Variants in SYTL2 observed in about 807,000 individuals in gnomAD.
SYTL2 encodes synaptotagmin-like protein 2.
SYTL2 carries 165 observed loss-of-function variants against 198.7 expected under a neutral mutation model. The ratio of observed to expected loss-of-function variants is 0.83; its 90% CI spans 0.73 to 0.94. SYTL2 has a LOEUF of 0.94. Ranked by LOEUF, SYTL2 falls within the 40% of genes least tolerant of loss-of-function variation. SYTL2 has a pLI of 0.00. For missense variants in SYTL2, 2,835 were observed against 2,582.8 expected, an observed-to-expected ratio of 1.10 and a Z score of -2.12; for synonymous variants, 966 against 917.7, an observed-to-expected ratio of 1.05 and a Z score of -0.95.
intron 1 of SYTL2, among the ~76,000 whole-genome samples, chr11:85,769,604 T>C (rs1224204892): frequency 1.3e-5 from 2 of 152,226 alleles, no homozygotes; most frequent in East Asian, 3.8e-4. Context: ...AGAAAATTAA[T>C]ACACAGTCTG....
intron 1 of SYTL2, 114 bp downstream of exon 1, chr11:85,810,840 T>A (rs903427878): frequency 2.0e-5 from 3 of 152,238 alleles, no homozygotes; most frequent in Non-Finnish European, 4.4e-5. Context: ...AACAACATTC[T>A]ACACCACCTC....
At position 85,726,523 on chromosome 11, in the gene SYTL2, C is replaced by T. The variant is rs2089198889; in HGVS notation, c.2835G>A (p.Leu945=). ...SNVGSERHAP[L]EKDRPLVRES... ...CACGAACTAGAGGTCTGTCTTTCTCCAATGGAGCATGTCGTTCACTCCCGA... is the reference window on the plus strand; with the variant it reads ...CACGAACTAGAGGTCTGTCTTTCTCTAATGGAGCATGTCGTTCACTCCCGA... Residue 945 remains leucine (L), a synonymous_variant, in exon 8 of 20, where the codon TTG becomes TTA. Transcript: ENST00000359152. 6.2e-7 allele frequency: 1 copy of T among 1,603,694 alleles called. No individual in the cohort carries two copies. Among genetic ancestry groups the T allele is most frequent in the Non-Finnish European group, 8.5e-7 (1 of 1,179,804 alleles).
chr11:85,700,187 T>C (rs1240237438), intron 17 of SYTL2, among the ~76,000 whole-genome samples: 1 of 152,178 alleles, frequency 6.6e-6, no homozygotes, highest in Non-Finnish European at 1.5e-5. Flanking sequence ...AAGGAAATTG[T>C]TGGTTAATAG....
intron 3 of SYTL2, among the ~76,000 whole-genome samples, chr11:85,746,193 T>C (rs921541980): frequency 2.0e-5 from 3 of 152,126 alleles, no homozygotes; most frequent in African/African-American, 7.2e-5. Context: ...TTCAAATATC[T>C]TGTATGTGCT....
chr11:85,852,380 G>T, the SYTL2 span, among the ~76,000 whole-genome samples: 3 of 151,488 alleles, frequency 2.0e-5, no homozygotes, highest in Non-Finnish European at 2.9e-5. Flanking sequence ...CTCTCCCCAC[G>T]GTCTCCCTCT....
At chr11:85,853,891 G>A in the SYTL2 span, 7 of 152,140 alleles carry the variant, frequency 4.6e-5, no homozygotes, top group Admixed American at 6.5e-5. Context: ...GGCTCGCTCT[G>A]TCACCCGTGC....
In SYTL2 at chr11:85,724,828, T is replaced by C; in HGVS notation, c.4530A>G (p.Glu1510=). Residue 1510 remains glutamate (E), a synonymous_variant, in exon 8 of 20, where the codon GAA becomes GAG. Transcript: ENST00000359152. ...GLEKLLKEET[E]TFPSKYESDT... ...CACTTTCATATTTTGAGGGGAAGGT[T>C]TCAGTTTCTTCCTTCAGTAGTTTTT... 6.2e-7 allele frequency: 1 copy of C among 1,613,604 alleles called. No homozygotes were observed. The highest frequency in any genetic ancestry group is 8.5e-7 in the Non-Finnish European group (1 of 1,179,906).
chr11:85,793,333 A>G (rs1202675829), intron 1 of SYTL2, among the ~76,000 whole-genome samples: 1 of 152,166 alleles, frequency 6.6e-6, no homozygotes, highest in Non-Finnish European at 1.5e-5. Flanking sequence ...AACTGGTGTG[A>G]GATGGTATCT....
chr11:85,790,717 G>A (rs887388017), intron 1 of SYTL2, among the ~76,000 whole-genome samples: 1 of 152,130 alleles, frequency 6.6e-6, no homozygotes, highest in Non-Finnish European at 1.5e-5. Flanking sequence ...CAGGATAACT[G>A]GGATGTGCCC....
chr11:85,793,551 G>A (rs1296217894), intron 1 of SYTL2, among the ~76,000 whole-genome samples: 3 of 152,150 alleles, frequency 2.0e-5, no homozygotes, highest in African/African-American at 7.2e-5. Flanking sequence ...TTCTCAAAGA[G>A]GCAGACAGGG....
chr11:85,766,101 G>A (rs1026492243), intron 1 of SYTL2, among the ~76,000 whole-genome samples: 10 of 152,120 alleles, frequency 6.6e-5, no homozygotes, highest in African/African-American at 1.2e-4. Flanking sequence ...GGGCAAGAGC[G>A]CTGGACCCTG....
Position 85,725,522 on chromosome 11 carries a change from T to C in SYTL2, c.3836A>G (p.Asn1279Ser). Residue 1279 changes from asparagine to serine, a missense_variant, in exon 8 of 20, where the codon AAT becomes AGT. By Grantham distance (46) the Asn-to-Ser change is conservative (BLOSUM62 1). Transcript: ENST00000359152. ...TTCAGCTTTCTTGAGGAGAGCTGTA[T>C]TTCCAAAAGTTTCATCTCTCACTGG... The part of the protein sequence containing the change: ...PFPVRDETFG[N>S]TALLKKAESG... 1.2e-6 allele frequency: 2 copies of C among 1,614,080 alleles called. No homozygotes were observed. The highest frequency in any genetic ancestry group is 1.7e-6 in the Non-Finnish European group (2 of 1,179,974).
chr11:85,748,136 A>G lies in SYTL2; in HGVS notation c.253+136T>C, dbSNP rs1332065437. On this transcript the variant is annotated intron_variant, in intron 3 of 19. Transcript: ENST00000359152. ...CCAAATCCAAGGCAAGGGAAATTTAAACTAGAGGGCCACACATTATGAAAA... is the reference window on the plus strand; with the variant it reads ...CCAAATCCAAGGCAAGGGAAATTTAGACTAGAGGGCCACACATTATGAAAA... 2.9e-6 allele frequency: 3 copies of G among 1,038,022 alleles called. No individual in the cohort carries two copies. The East Asian group carries it at 7.2e-5, about 25-fold the overall frequency. 64.3% of individuals were successfully genotyped at this position (1,038,022 alleles called of 1,614,324 possible).
At chr11:85,778,347 A>G (rs1027467945) in intron 1 of SYTL2, among the ~76,000 whole-genome samples, 4 of 152,198 alleles carry the variant, frequency 2.6e-5, no homozygotes, top group Admixed American at 2.0e-4. Flanking sequence ...GGACTATTTG[A>G]TAGTGTTACC....
intron 1 of SYTL2, among the ~76,000 whole-genome samples, chr11:85,778,337 G>A (rs2092495474): frequency 6.6e-6 from 1 of 152,194 alleles, no homozygotes. Context: ...GTAGAGCCCA[G>A]GACTATTTGA....
intron 4 of SYTL2, among the ~76,000 whole-genome samples, chr11:85,741,673 G>T (rs190773390): frequency 6.6e-6 from 1 of 152,122 alleles, no homozygotes; most frequent in Non-Finnish European, 1.5e-5. Context: ...GAGCAAGCTA[G>T]GTACCTTACA....
At chr11:85,781,317 G>T (rs893747351) in intron 1 of SYTL2, among the ~76,000 whole-genome samples, 6 of 152,050 alleles carry the variant, frequency 3.9e-5, no homozygotes, top group Non-Finnish European at 8.8e-5. Flanking sequence ...TAGAACAGCG[G>T]CATGGGGGTA....
Position 85,713,357 on chromosome 11 carries a change from T to C in SYTL2, c.5625+1056A>G, listed in dbSNP as rs144566181. ...CAGCTAACATTTACCAGGTACTCAT[T>C]ATATGCCAAGCACTGTGCTATGTGT... On this transcript the variant is annotated intron_variant, in intron 12 of 19. Transcript: ENST00000359152. Among the ~76,000 whole-genome samples, 6 of 152,322 alleles carry C rather than the reference T, an allele frequency of 3.9e-5. No homozygotes were observed. The East Asian group carries it at 1.2e-3, about 29-fold the overall frequency.
Position 85,726,371 on chromosome 11 carries a change from T to C in SYTL2, c.2987A>G (p.Asn996Ser), listed in dbSNP as rs1422063140. ...AATATTCTTGTCATTATCCTTACTG[T>C]TTGAATTAGCTTCTAAGTCCCAAAA... is the stretch of plus-strand genomic sequence containing the variant. ...RKFWDLEANS[N>S]SKDNDKNITT... is the part of the protein sequence containing the mutation. The change falls in exon 8 of 20, where the codon AAC (asparagine) becomes AGC (serine). Residue 996 changes from asparagine to serine, a missense_variant. This residue lies in a region of SYTL2 where 2,645 missense variants were observed against 2,381.7 expected (regional missense o/e 1.11). Coordinates refer to ENST00000359152, the MANE Select transcript of SYTL2 (RefSeq NM_206927.4). 8 of 1,613,762 alleles carry C rather than the reference T, an allele frequency of 5.0e-6. No homozygotes were observed. Among genetic ancestry groups the C allele is most frequent in the African/African-American group, 1.3e-5 (1 of 74,906 alleles).
Sources: allele counts gnomAD v4.1 joint callset (sites outside exome capture counted in the v4.1 genomes callset), GRCh38; gene constraint gnomAD v4.1.1; regional missense constraint gnomAD v4.1.1; transcripts MANE v1.5; gene names NCBI Gene and HGNC (gene_info 2026-07-23, HGNC 2026-07-21).